BCL2L14: variants seen among roughly 807,000 people sequenced by gnomAD.
BCL2L14 encodes the protein BCL2 like 14, also known as apoptosis facilitator Bcl-2-like protein 14.
Under a neutral mutation model 35.3 loss-of-function variants are expected in BCL2L14, and 27 were observed. That is an observed-to-expected ratio of 0.76 (90% CI 0.56 to 1.05). The LOEUF (loss-of-function observed/expected upper bound fraction) is 1.05, where lower values mean the gene tolerates loss of function less well. BCL2L14 is among the 50% of genes least tolerant of loss of function. The pLI is 0.00. For missense variants in BCL2L14, 377 were observed against 382.6 expected (o/e 0.99, Z 0.12); for synonymous variants, 139 against 145.9 (o/e 0.95, Z 0.34).
At chr12:12,089,608 G>C (rs919838513) in intron 3 of BCL2L14, among the ~76,000 whole-genome samples, 1 of 151,964 alleles carries the variant, frequency 6.6e-6, no homozygotes, top group Non-Finnish European at 1.5e-5. Flanking sequence ...TGAGGCAGGA[G>C]AATCACTTGA....
Position 12,090,827 on chromosome 12 carries a change from C to A in BCL2L14, c.656C>A (p.Ser219Ter), listed in dbSNP as rs867619175. 3.7e-6 allele frequency: 6 copies of A among 1,613,040 alleles called. No individual in the cohort carries two copies. Among genetic ancestry groups the A allele is most frequent in the Non-Finnish European group, 5.1e-6 (6 of 1,179,550 alleles). The change falls in exon 4 of 6, where the codon TCA (serine) becomes TAA (stop). Residue 219 changes from serine to a stop codon, truncating the protein, a stop_gained. Coordinates refer to ENST00000308721, the MANE Select transcript of BCL2L14 (RefSeq NM_138723.2). LOFTEE classifies it high-confidence loss of function. ...LAKIVELLKY[S>*]GDQLERKLKK... Reference sequence around the variant, plus strand: ...AAAATTGTTGAGCTGCTGAAATATTCAGGAGATCAGTTGGAAAGAAAGGTA... The same window carrying A: ...AAAATTGTTGAGCTGCTGAAATATTAAGGAGATCAGTTGGAAAGAAAGGTA...
intron 5 of BCL2L14, chr12:12,095,141 G>T: frequency 3.0e-6 from 3 of 985,316 alleles, no homozygotes; most frequent in South Asian, 9.4e-5. Context: ...CTCTCCAAGG[G>T]TATGCAGGGT....
intron 2 of BCL2L14, among the ~76,000 whole-genome samples, chr12:12,057,457 C>T (rs1948449351): frequency 6.6e-6 from 1 of 152,100 alleles, no homozygotes; most frequent in South Asian, 2.1e-4. Context: ...AATAGCAACT[C>T]CAGAAAAGAG....
intron 3 of BCL2L14, among the ~76,000 whole-genome samples, chr12:12,089,160 C>A (rs10845476): frequency 0.16 from 24,025 of 151,984 alleles, 2,041 homozygotes; most frequent in African/African-American, 0.21. Flanking sequence ...TGAGGTCAGG[C>A]GTTCAAGACC....
At chr12:12,071,998 A>C (rs1054196628) in intron 1 of BCL2L14, among the ~76,000 whole-genome samples, 3 of 151,986 alleles carry the variant, frequency 2.0e-5, no homozygotes, top group African/African-American at 7.3e-5. Context: ...GATGAGTGTC[A>C]GTGCCCACGA....
chr12:12,082,652 A>G (rs1948953036), intron 2 of BCL2L14, among the ~76,000 whole-genome samples: 2 of 152,320 alleles, frequency 1.3e-5, no homozygotes, highest in East Asian at 1.9e-4. Context: ...TAAAGATTAC[A>G]TTCAAAAACA....
At chr12:12,080,601 C>T (rs1017414160) in intron 2 of BCL2L14, among the ~76,000 whole-genome samples, 1 of 143,912 alleles carries the variant, frequency 6.9e-6, no homozygotes, top group African/African-American at 2.6e-5. Context: ...GCCTGAGCTA[C>T]AGGGTAAGAC....
At chr12:12,086,299 CAG>C (rs1477659154) in intron 2 of BCL2L14, among the ~76,000 whole-genome samples, 1 of 152,066 alleles carries the variant, frequency 6.6e-6, no homozygotes, top group East Asian at 1.9e-4. Flanking sequence ...GCCTGGGTGA[CAG>C]AGTGAGACTC....
intron 1 of BCL2L14, 21 bp from the exon 2 acceptor site, chr12:12,079,278 G>A (rs1948853538): frequency 6.2e-7 from 1 of 1,601,588 alleles, no homozygotes; most frequent in East Asian, 2.2e-5. Context: ...GAAGGGCACA[G>A]TGTGGACTTT....
chr12:12,059,882 C>T (rs959583319), intron 2 of BCL2L14, among the ~76,000 whole-genome samples: 3 of 152,146 alleles, frequency 2.0e-5, no homozygotes, highest in Non-Finnish European at 2.9e-5. Context: ...TAATGCTTGT[C>T]GTAAAATAGG....
intron 2 of BCL2L14, among the ~76,000 whole-genome samples, chr12:12,058,394 T>G (rs1948465856): frequency 6.6e-6 from 1 of 151,556 alleles, no homozygotes; most frequent in Non-Finnish European, 1.5e-5. Flanking sequence ...GGGATTACAG[T>G]CATGTGCCAC....
chr12:12,087,466 G>A (rs1432483289), intron 3 of BCL2L14, 80 bp downstream of exon 3: 11 of 1,483,756 alleles, frequency 7.4e-6, no homozygotes, highest in East Asian at 4.5e-5. Context: ...CCCAGGGCTC[G>A]GCAACTTGAC....
chr12:12,056,559 G>T (rs1259302330), intron 2 of BCL2L14, among the ~76,000 whole-genome samples: 1 of 152,194 alleles, frequency 6.6e-6, no homozygotes, highest in African/African-American at 2.4e-5. Context: ...GCTGGGCACG[G>T]TGGCTCACGC....
chr12:12,054,628 A>C (rs1156892631), intron 2 of BCL2L14: 1 of 151,806 alleles, frequency 6.6e-6, no homozygotes. Flanking sequence ...TCTTCTACAC[A>C]CTTGTTATTA....
chr12:12,052,382 C>G (rs938840714), intron 2 of BCL2L14, among the ~76,000 whole-genome samples: 1 of 152,202 alleles, frequency 6.6e-6, no homozygotes, highest in Non-Finnish European at 1.5e-5. Context: ...AACCACCGCT[C>G]CACCCCCAGT....
At chr12:12,096,297 C>T in intron 5 of BCL2L14, 2 of 411,478 alleles carry the variant, frequency 4.9e-6, no homozygotes, top group African/African-American at 4.4e-5. Flanking sequence ...TCTGTTTAAC[C>T]CACTAATGTA....
At chr12:12,089,373 A>T (rs111388280) in intron 3 of BCL2L14, among the ~76,000 whole-genome samples, 644 of 57,110 alleles carry the variant, frequency 0.011, no homozygotes, top group African/African-American at 0.036. Context: ...CCATCTCAAT[A>T]AAAAAAAAAA....
At chr12:12,055,690 A>C (rs1278951636) in intron 2 of BCL2L14, 1 of 152,202 alleles carries the variant, frequency 6.6e-6, no homozygotes, top group East Asian at 1.9e-4. Context: ...CTGGTAGAGA[A>C]TACAGAAGTC....
chr12:12,082,796 C>G (rs1352363464), intron 2 of BCL2L14, among the ~76,000 whole-genome samples: 2 of 152,206 alleles, frequency 1.3e-5, no homozygotes, highest in South Asian at 4.1e-4. Context: ...TCCCTTATCA[C>G]CTTTCTCCTC....
Sources: gnomAD v4.1 joint callset for allele counts (sites outside exome capture counted in the v4.1 genomes callset) on GRCh38, gnomAD v4.1.1 for gene constraint, MANE v1.5 for transcripts, NCBI Gene and HGNC (gene_info 2026-07-23, HGNC 2026-07-21) for gene names.